The following ZMIZ1 variants were observed in gnomAD, a reference collection of about 807,000 sequenced individuals.
ZMIZ1 encodes zinc finger MIZ domain-containing protein 1.
ZMIZ1 carries 17 observed loss-of-function variants against 113.9 expected under a neutral mutation model. The ratio of observed to expected loss-of-function variants is 0.15; its 90% CI spans 0.10 to 0.22. ZMIZ1 has a LOEUF of 0.22. Ranked by LOEUF, ZMIZ1 falls within the 10% of genes least tolerant of loss-of-function variation. The probability of loss-of-function intolerance (pLI) is 1.00; values close to 1 mark genes in which losing one functional copy is unlikely to be tolerated. For synonymous variants in ZMIZ1, 607 were observed against 603.1 expected, an observed-to-expected ratio of 1.01 and a Z score of -0.09; for missense variants, 1,059 against 1,477.8, an observed-to-expected ratio of 0.72 and a Z score of 4.65.
At chr10:79,230,882 A>C (rs1359511) in intron 7 of ZMIZ1, among the ~76,000 whole-genome samples, 53,583 of 152,172 alleles carry the variant, frequency 0.35, 9,741 homozygotes, top group Non-Finnish European at 0.4. Flanking sequence ...AACAAAAGAG[A>C]AGAAAGACAC....
Position 79,290,693 on chromosome 10 carries a change from T to C in ZMIZ1, c.541-266T>C, listed in dbSNP as rs55903349. On this transcript the variant is annotated intron_variant, in intron 9 of 24. Coordinates refer to ENST00000334512, the MANE Select transcript of ZMIZ1 (RefSeq NM_020338.4). ...GGGCTGCGCAGCCCCTGGGGACCGC[T>C]TGAACTGGCTTTGTGGGGCTTGGTC... 5.9e-4 allele frequency: 392 copies of C among 665,132 alleles called. 3 individuals are homozygous for C. In the African/African-American group the frequency reaches 6.2e-3, roughly 11 times the overall value. The allele number at this position is 665,132 out of a possible 1,614,324, so 41.2% of individuals were successfully genotyped here.
intron 21 of ZMIZ1, 106 bp from the exon 22 acceptor site, chr10:79,305,994 C>A: frequency 1.3e-6 from 2 of 1,505,514 alleles, no homozygotes; most frequent in Non-Finnish European, 1.8e-6. Context: ...AGAGTGGGAG[C>A]AGGGGCCTCA....
In ZMIZ1 at chr10:79,279,834, C is replaced by T. The variant is rs565339979; in HGVS notation, c.425+2509C>T. ...AAAACCAGTCAGGCATGGTGGCACGCGCCTGCAATCCCAGGCACTCGGCAG... is the reference window on the plus strand; with the variant it reads ...AAAACCAGTCAGGCATGGTGGCACGTGCCTGCAATCCCAGGCACTCGGCAG... On this transcript the variant is annotated intron_variant, in intron 8 of 24. Coordinates refer to ENST00000334512, the MANE Select transcript of ZMIZ1 (RefSeq NM_020338.4). Among the ~76,000 whole-genome samples the T allele has an allele frequency of 1.6e-3, 237 of 152,208 alleles. 2 individuals are homozygous for T. The highest frequency in any genetic ancestry group is 5.4e-3 in the African/African-American group (224 of 41,518).
intron 7 of ZMIZ1, among the ~76,000 whole-genome samples, chr10:79,259,973 C>G (rs954452209): frequency 1.3e-5 from 2 of 152,212 alleles, no homozygotes; most frequent in African/African-American, 4.8e-5. Context: ...CTCCCCTCGA[C>G]TTTTTGTTGG....
intron 3 of ZMIZ1, among the ~76,000 whole-genome samples, chr10:79,150,235 GC>G (rs1255859470): frequency 6.6e-6 from 1 of 152,166 alleles, no homozygotes; most frequent in African/African-American, 2.4e-5. Context: ...AGGAAGCCCT[GC>G]CCAGACACCA....
intron 2 of ZMIZ1, among the ~76,000 whole-genome samples, chr10:79,123,256 TGCG>T (rs1400931294): frequency 6.6e-6 from 1 of 152,146 alleles, no homozygotes; most frequent in African/African-American, 2.4e-5. Context: ...GCTGGCAGAT[TGCG>T]GCTGTGGACC....
intron 7 of ZMIZ1, among the ~76,000 whole-genome samples, chr10:79,225,318 C>T (rs1418726598): frequency 6.6e-6 from 1 of 152,174 alleles, no homozygotes; most frequent in Non-Finnish European, 1.5e-5. Context: ...AGATCAGTCT[C>T]CCTTACCACA....
chr10:79,190,622 C>T (rs893842706), intron 4 of ZMIZ1, among the ~76,000 whole-genome samples: 8 of 152,048 alleles, frequency 5.3e-5, no homozygotes, highest in African/African-American at 1.9e-4. Context: ...TAAAGGAGTA[C>T]ACTCATGGGC....
intron 3 of ZMIZ1, among the ~76,000 whole-genome samples, chr10:79,141,416 C>T (rs1430220372): frequency 6.6e-6 from 1 of 152,060 alleles, no homozygotes; most frequent in African/African-American, 2.4e-5. Flanking sequence ...ACAGAGTCTA[C>T]AGTGTAAAGT....
chr10:79,277,784 G>A (rs1852394526), intron 8 of ZMIZ1, among the ~76,000 whole-genome samples: 1 of 152,236 alleles, frequency 6.6e-6, no homozygotes, highest in Non-Finnish European at 1.5e-5. Flanking sequence ...GCAGGCATGG[G>A]CTTGCTGGAG....
chr10:79,263,627 C>T (rs1189679957), intron 7 of ZMIZ1, among the ~76,000 whole-genome samples: 1 of 152,174 alleles, frequency 6.6e-6, no homozygotes, highest in Non-Finnish European at 1.5e-5. Flanking sequence ...ACTCTGGATT[C>T]ATGAGCCCAG....
At chr10:79,198,788 C>T (rs999033418) in intron 4 of ZMIZ1, among the ~76,000 whole-genome samples, 6 of 152,178 alleles carry the variant, frequency 3.9e-5, no homozygotes, top group Non-Finnish European at 1.5e-5. Flanking sequence ...AATCCCAGCA[C>T]TTTGGGGGGC....
intron 3 of ZMIZ1, among the ~76,000 whole-genome samples, chr10:79,154,146 GTGGGCCAATAT>G (rs1043788456): frequency 6.6e-6 from 1 of 152,176 alleles, no homozygotes; most frequent in Non-Finnish European, 1.5e-5. Flanking sequence ...TGACTTTCTT[GTGGGCCAATAT>G]TGGACCCCCT....
chr10:79,135,634 G>A (rs984457691), intron 2 of ZMIZ1, among the ~76,000 whole-genome samples: 1 of 152,196 alleles, frequency 6.6e-6, no homozygotes, highest in Non-Finnish European at 1.5e-5. Context: ...GACAAGGCCA[G>A]GTGTTGTCTG....
intron 2 of ZMIZ1, among the ~76,000 whole-genome samples, chr10:79,139,142 A>G (rs1325183032): frequency 6.6e-6 from 1 of 152,218 alleles, no homozygotes; most frequent in African/African-American, 2.4e-5. Context: ...GTGCGTACAC[A>G]CATAAAATGG....
At chr10:79,103,239 C>A (rs551943034) in intron 1 of ZMIZ1, among the ~76,000 whole-genome samples, 1 of 151,668 alleles carries the variant, frequency 6.6e-6, no homozygotes, top group South Asian at 2.1e-4. Flanking sequence ...ATGGGGAAAC[C>A]GTGAGGGGGA....
intron 2 of ZMIZ1, among the ~76,000 whole-genome samples, chr10:79,123,986 C>T (rs767455090): frequency 6.6e-6 from 1 of 152,254 alleles, no homozygotes; most frequent in Non-Finnish European, 1.5e-5. Flanking sequence ...GCCTGCAGCC[C>T]AGGCCCTCCA....
intron 4 of ZMIZ1, among the ~76,000 whole-genome samples, chr10:79,178,700 C>T (rs561441849): frequency 2.6e-5 from 4 of 152,238 alleles, no homozygotes; most frequent in African/African-American, 4.8e-5. Flanking sequence ...CCCCCACCCC[C>T]GCATGCTTCC....
intron 3 of ZMIZ1, among the ~76,000 whole-genome samples, chr10:79,161,039 C>T (rs1433242936): frequency 1.3e-5 from 2 of 152,200 alleles, no homozygotes; most frequent in Non-Finnish European, 2.9e-5. Context: ...CCCTCCTGCC[C>T]TCAGGGCTCT....
Sources: gnomAD v4.1 joint callset for allele counts (sites outside exome capture counted in the v4.1 genomes callset) on GRCh38, gnomAD v4.1.1 for gene constraint, MANE v1.5 for transcripts, NCBI Gene and HGNC (gene_info 2026-07-23, HGNC 2026-07-21) for gene names.